Variants in SNTG2 observed in about 807,000 individuals in gnomAD.
SNTG2 encodes the protein syntrophin gamma 2.
Under a neutral mutation model 70.9 loss-of-function variants are expected in SNTG2, and 74 were observed. The observed-to-expected ratio is 1.04, with a 90% CI of 0.86 to 1.27. The LOEUF (loss-of-function observed/expected upper bound fraction) is 1.27. Among genes scored for constraint, SNTG2 ranks in the 50% most tolerant of loss-of-function variants. The pLI is 0.00. For synonymous variants in SNTG2, 278 were observed against 273.8 expected, an observed-to-expected ratio of 1.02 and a Z score of -0.15; for missense variants, 717 against 690.7, an observed-to-expected ratio of 1.04 and a Z score of -0.43.
intron 1 of SNTG2, among the ~76,000 whole-genome samples, chr2:1,020,575 T>A (rs574190981): frequency 5.2e-4 from 28 of 53,898 alleles, no homozygotes; most frequent in East Asian, 3.9e-3. Context: ...ATTTTTTTTT[T>A]AAAAAAATTC....
intron 1 of SNTG2, among the ~76,000 whole-genome samples, chr2:989,678 C>T (rs1196781829): frequency 2.0e-5 from 3 of 152,174 alleles, no homozygotes; most frequent in Non-Finnish European, 2.9e-5. Context: ...TATTTGCTTT[C>T]GATAATTCTG....
chr2:1,139,307 C>T (rs770846343), intron 6 of SNTG2, among the ~76,000 whole-genome samples: 5 of 152,102 alleles, frequency 3.3e-5, no homozygotes, highest in Non-Finnish European at 7.4e-5. Context: ...CTCGGCTCAC[C>T]GTAACCTCCG....
At chr2:1,134,582 C>T (rs575839728) in intron 4 of SNTG2, among the ~76,000 whole-genome samples, 33 of 152,276 alleles carry the variant, frequency 2.2e-4, no homozygotes, top group African/African-American at 7.0e-4. Context: ...TACAGAGTGC[C>T]GATTGGTGTA....
At chr2:1,019,911 C>T (rs1223182389) in intron 1 of SNTG2, among the ~76,000 whole-genome samples, 4 of 152,070 alleles carry the variant, frequency 2.6e-5, no homozygotes, top group Non-Finnish European at 4.4e-5. Context: ...GGTGTGGTGG[C>T]GGGCACCTGT....
At chr2:1,041,785 A>G (rs114711633) in intron 1 of SNTG2, among the ~76,000 whole-genome samples, 1,744 of 152,232 alleles carry the variant, frequency 0.011, 38 homozygotes, top group African/African-American at 0.04. Context: ...TTTTCCTCAT[A>G]AACTACCCAG....
At chr2:1,309,999 A>C (rs191420508) in intron 15 of SNTG2, among the ~76,000 whole-genome samples, 1 of 152,348 alleles carries the variant, frequency 6.6e-6, no homozygotes, top group Non-Finnish European at 1.5e-5. Context: ...TTCTGAGATA[A>C]GGGAGGTAAT....
chr2:1,363,458 T>C (rs935928080), intron 16 of SNTG2, among the ~76,000 whole-genome samples: 5 of 152,198 alleles, frequency 3.3e-5, no homozygotes, highest in African/African-American at 1.2e-4. Flanking sequence ...CTCTCTGTCA[T>C]TGTATTAGGC....
chr2:978,249 G>A (rs887272283), intron 1 of SNTG2, among the ~76,000 whole-genome samples: 1 of 152,192 alleles, frequency 6.6e-6, no homozygotes, highest in African/African-American at 2.4e-5. Flanking sequence ...GAGTTGGGGT[G>A]TCTGTTCCCA....
chr2:1,164,145 A>G (rs1235212901), intron 6 of SNTG2, among the ~76,000 whole-genome samples: 3 of 152,182 alleles, frequency 2.0e-5, no homozygotes, highest in Non-Finnish European at 2.9e-5. Context: ...AAGGTGGGCT[A>G]CGCCTGGCCT....
chr2:1,023,710 C>T (rs933549775), intron 1 of SNTG2, among the ~76,000 whole-genome samples: 7 of 152,208 alleles, frequency 4.6e-5, no homozygotes, highest in Non-Finnish European at 7.3e-5. Flanking sequence ...ACTGTCAGCA[C>T]ATCTGCACCC....
chr2:999,640 A>G (rs367960702), intron 1 of SNTG2, among the ~76,000 whole-genome samples: 4 of 152,150 alleles, frequency 2.6e-5, no homozygotes, highest in South Asian at 4.1e-4. Flanking sequence ...TAGATTCATA[A>G]AACAAATAGT....
At chr2:952,350 C>G (rs4315564) in intron 1 of SNTG2, among the ~76,000 whole-genome samples, 44,880 of 152,086 alleles carry the variant, frequency 0.3, 6,770 homozygotes, top group Admixed American at 0.37. Flanking sequence ...CATTTTTCTC[C>G]AGACATTCGA....
At chr2:1,123,019 T>C (rs1403829114) in intron 4 of SNTG2, among the ~76,000 whole-genome samples, 3 of 152,042 alleles carry the variant, frequency 2.0e-5, no homozygotes, top group Non-Finnish European at 2.9e-5. Context: ...ACCTATACAA[T>C]GAAAACTGTA....
chr2:1,265,166 C>T (rs567650430), intron 13 of SNTG2, among the ~76,000 whole-genome samples: 8 of 152,164 alleles, frequency 5.3e-5, no homozygotes, highest in Non-Finnish European at 1.2e-4. Flanking sequence ...TAAAGAGATA[C>T]TTTCTGCACC....
At chr2:1,355,339 G>A (rs867763258) in intron 16 of SNTG2, among the ~76,000 whole-genome samples, 12 of 152,198 alleles carry the variant, frequency 7.9e-5, no homozygotes, top group African/African-American at 2.6e-4. Context: ...CCCGTGGAAC[G>A]GCAACTCCCG....
At chr2:1,006,402 CA>C (rs1553307556) in intron 1 of SNTG2, among the ~76,000 whole-genome samples, 7 of 55,846 alleles carry the variant, frequency 1.3e-4, no homozygotes, top group African/African-American at 6.9e-4. Flanking sequence ...AGTAGAATTT[CA>C]AAAAAAAAAG....
chr2:986,067 T>TAGAGAGAGAGAGAG (rs10633277), intron 1 of SNTG2, among the ~76,000 whole-genome samples: 244 of 129,784 alleles, frequency 1.9e-3, no homozygotes, highest in South Asian at 5.0e-3. Context: ...CTGCAAATAA[T>TAGAGAGAGAGAGAG]AGAGAGAGAG....
intron 6 of SNTG2, among the ~76,000 whole-genome samples, chr2:1,139,456 G>C (rs979183206): frequency 6.6e-6 from 1 of 151,982 alleles, no homozygotes; most frequent in Non-Finnish European, 1.5e-5. Flanking sequence ...GGCTGGTCTT[G>C]AACTCCTGAC....
intron 4 of SNTG2, among the ~76,000 whole-genome samples, chr2:1,119,805 G>A (rs184741847): frequency 6.6e-6 from 1 of 152,150 alleles, no homozygotes; most frequent in African/African-American, 2.4e-5. Flanking sequence ...GAATGGCATT[G>A]CTCATTTCTT....
Sources: allele counts gnomAD v4.1 joint callset (sites outside exome capture counted in the v4.1 genomes callset), GRCh38; gene constraint gnomAD v4.1.1; transcripts MANE v1.5; gene names NCBI Gene and HGNC (gene_info 2026-07-23, HGNC 2026-07-21).